UTP15: variants seen among roughly 807,000 people sequenced by gnomAD.
UTP15 encodes U3 small nucleolar RNA-associated protein 15 homolog.
A neutral mutation model predicts 59.1 loss-of-function variants in UTP15; 5 were observed. The observed-to-expected ratio is 0.08, with a 90% CI of 0.04 to 0.18. UTP15 has a LOEUF of 0.18. Among genes scored for constraint, UTP15 ranks in the 10% least tolerant of loss-of-function variants. UTP15 has a pLI of 1.00. For synonymous variants in UTP15, 211 were observed against 212.2 expected (o/e 0.99, Z 0.05); for missense variants, 494 against 616.7 (o/e 0.80, Z 2.11).
At chr5:73,573,386 T>C (rs1039131330) in intron 7 of UTP15, among the ~76,000 whole-genome samples, 1 of 151,558 alleles carries the variant, frequency 6.6e-6, no homozygotes, top group African/African-American at 2.4e-5. Flanking sequence ...TAGCTGGGAT[T>C]ACAGGTGTGC....
chr5:73,580,156 T>G lies in UTP15; in HGVS notation c.*62T>G, dbSNP rs530015123. ...GGAATAGATTTGACTGTATTAAATG[T>G]TGGCGAGAGACTCTCTTTGATACAT... On this transcript the variant is annotated 3_prime_UTR_variant, in exon 13 of 13. Coordinates refer to ENST00000296792, the MANE Select transcript of UTP15 (RefSeq NM_032175.4). The G allele has an allele frequency of 2.8e-6, 4 of 1,439,708 alleles. No individual in the cohort carries two copies. In the East Asian group the frequency reaches 9.3e-5, roughly 33 times the overall value. 89.2% of individuals were successfully genotyped at this position (1,439,708 alleles called of 1,614,324 possible).
chr5:73,575,572 AT>A (rs1475033804), intron 7 of UTP15, among the ~76,000 whole-genome samples: 1 of 141,892 alleles, frequency 7.0e-6, no homozygotes, highest in Non-Finnish European at 1.6e-5. Context: ...TTTTTAATTT[AT>A]TTTTTTAGAG....
chr5:73,567,734 C>T (rs1013745256), intron 2 of UTP15: 2 of 208,354 alleles, frequency 9.6e-6, no homozygotes, highest in East Asian at 1.1e-4. Context: ...TGAAGTATTG[C>T]TTGTAATAGT....
At chr5:73,570,776 T>C in intron 6 of UTP15, 65 bp downstream of exon 6, 1 of 1,594,088 alleles carries the variant, frequency 6.3e-7, no homozygotes, top group Non-Finnish European at 8.6e-7. Context: ...TAAAATCAGT[T>C]GCTCTTTGTA....
Position 73,577,838 on chromosome 5 carries a change from T to G in UTP15, c.895-18T>G. ...ACGAGTTAAGAATAGACTAACTTAT[T>G]TTTCTAATTGTTATTAGCATGAAGA... On this transcript the variant is annotated intron_variant, in intron 8 of 12. Coordinates refer to ENST00000296792, the MANE Select transcript of UTP15 (RefSeq NM_032175.4). The G allele has an allele frequency of 6.4e-7, 1 of 1,569,698 alleles. No homozygotes were observed. Among genetic ancestry groups the G allele is most frequent in the Non-Finnish European group, 8.6e-7 (1 of 1,164,880 alleles).
intron 2 of UTP15, 30 bp downstream of exon 2, chr5:73,567,464 G>A (rs1464698322): frequency 6.6e-7 from 1 of 1,519,822 alleles, no homozygotes; most frequent in Non-Finnish European, 8.9e-7. Context: ...AGGGAGAAGG[G>A]ATTTGTGTTT....
chr5:73,579,999 G>A lies in UTP15; in HGVS notation c.1462G>A (p.Asp488Asn). ...ATTGTTAGAAACCTTGGGGATGATGGATATGCTTTTTGCCACCATGAGAAG... is the reference window on the plus strand; with the variant it reads ...ATTGTTAGAAACCTTGGGGATGATGAATATGCTTTTTGCCACCATGAGAAG... ...RELLETLGMM[D>N]MLFATMRRKE... Residue 488 changes from aspartate (D) to asparagine (N), a missense_variant, in exon 13 of 13, where the codon GAT becomes AAT. Transcript: ENST00000296792. The A allele has an allele frequency of 6.2e-7, 1 of 1,613,916 alleles. No individual in the cohort carries two copies. The highest frequency in any genetic ancestry group is 2.2e-5 in the East Asian group (1 of 44,842).
rs1300349324 is a variant in UTP15, at chr5:73,583,201, C to T, written c.*3107C>T. Reference sequence around the variant, plus strand: ...CCATGGTGGTACAACTGACTCAACCCTTCTCTAAGCAGGGATTTGTAATTG... The same window carrying T: ...CCATGGTGGTACAACTGACTCAACCTTTCTCTAAGCAGGGATTTGTAATTG... On this transcript the variant is annotated 3_prime_UTR_variant, in exon 13 of 13. Transcript: ENST00000296792. The T allele has an allele frequency of 6.6e-6, 1 of 152,192 alleles. No homozygotes were observed. Among genetic ancestry groups the T allele is most frequent in the Non-Finnish European group, 1.5e-5 (1 of 68,044 alleles). 9.4% of individuals were successfully genotyped at this position (152,192 alleles called of 1,614,324 possible). A position where few individuals can be genotyped will look rare whatever the true frequency, so the allele number is the denominator to read the frequency against.
intron 2 of UTP15, 158 bp downstream of exon 2, chr5:73,567,592 G>A: frequency 4.0e-6 from 2 of 496,194 alleles, no homozygotes; most frequent in East Asian, 3.4e-5. Flanking sequence ...ATTTTTTCTT[G>A]GAATTTTATG....
chr5:73,569,692 C>T lies in UTP15; in HGVS notation c.547+17C>T, dbSNP rs757023580. 3 of 1,569,210 alleles carry T rather than the reference C, an allele frequency of 1.9e-6. No individual in the cohort carries two copies. The highest frequency in any genetic ancestry group is 2.6e-6 in the Non-Finnish European group (3 of 1,157,300). ...TTATAACAGGTTGGTGAACTCTATT[C>T]CCTCCTGAAGCAAATAATCTCACGG... On this transcript the variant is annotated intron_variant, in intron 5 of 12. Transcript: ENST00000296792.
At chr5:73,568,140 A>G (rs1747834929) in intron 2 of UTP15, 95 bp from the exon 3 acceptor site, 6 of 919,870 alleles carry the variant, frequency 6.5e-6, no homozygotes, top group Non-Finnish European at 9.5e-6. Flanking sequence ...AAATGTTACT[A>G]AGAACAAAGA....
In UTP15 at chr5:73,582,489, A is replaced by G. The variant is rs1748350881; in HGVS notation, c.*2395A>G. The G allele has an allele frequency of 6.6e-6, 1 of 152,198 alleles. No individual in the cohort carries two copies. Among genetic ancestry groups the G allele is most frequent in the African/African-American group, 2.4e-5 (1 of 41,434 alleles). The allele number at this position is 152,198 out of a possible 1,614,324, so 9.4% of individuals were successfully genotyped here. ...AGCTTCTGTCTCCTAGGCTGAAGCTATCCTCCCACCTCAGCCTCCTGAGAA... is the reference window on the plus strand; with the variant it reads ...AGCTTCTGTCTCCTAGGCTGAAGCTGTCCTCCCACCTCAGCCTCCTGAGAA... On this transcript the variant is annotated 3_prime_UTR_variant, in exon 13 of 13. Coordinates refer to ENST00000296792, the MANE Select transcript of UTP15 (RefSeq NM_032175.4).
At chr5:73,577,182 A>G in intron 8 of UTP15, 146 bp downstream of exon 8, 2 of 685,854 alleles carry the variant, frequency 2.9e-6, no homozygotes, top group South Asian at 3.7e-5. Context: ...TGGAATATGT[A>G]ACTCGTCCTA....
In UTP15 at chr5:73,571,188, C is replaced by T. The variant is rs528179383; in HGVS notation, c.673+477C>T. On this transcript the variant is annotated intron_variant, in intron 6 of 12. Transcript: ENST00000296792. Reference sequence around the variant, plus strand: ...AGCCCTGTGCCATCTTATTTAACCCCAGAAATTTAGCTCATACTCCTTTTA... The same window carrying T: ...AGCCCTGTGCCATCTTATTTAACCCTAGAAATTTAGCTCATACTCCTTTTA... 5.3e-5 allele frequency among the ~76,000 whole-genome samples: 8 copies of T among 151,604 alleles called. No individual in the cohort carries two copies. The South Asian group carries it at 1.7e-3, about 32-fold the overall frequency.
In UTP15 at chr5:73,582,312, A is replaced by G. The variant is rs1432304370; in HGVS notation, c.*2218A>G. The G allele has an allele frequency of 6.6e-6, 1 of 152,198 alleles. No homozygotes were observed. The highest frequency in any genetic ancestry group is 2.1e-4 in the South Asian group (1 of 4,832). 9.4% of individuals were successfully genotyped at this position (152,198 alleles called of 1,614,324 possible). A position where few individuals can be genotyped will look rare whatever the true frequency, so the allele number is the denominator to read the frequency against. On this transcript the variant is annotated 3_prime_UTR_variant, in exon 13 of 13. Transcript: ENST00000296792. ...TCTCAAAATATGTAACAGTTAACAC[A>G]TTTTTCAAACAGGTTAGGAAGCAAT... is the stretch of plus-strand genomic sequence containing the variant.
chr5:73,570,513 A>G lies in UTP15; in HGVS notation c.548-73A>G. ...CATCTAAGCTTTTTTTCCTTTTAAA[A>G]TTTATATCTGGATACACACAGTTTT... On this transcript the variant is annotated intron_variant, in intron 5 of 12. Transcript: ENST00000296792. 5 of 1,487,558 alleles carry G rather than the reference A, an allele frequency of 3.4e-6. 1 individual carries two copies. The African/African-American group carries it at 4.2e-5, about 13-fold the overall frequency. The allele number at this position is 1,487,558 out of a possible 1,614,324, so 92.1% of individuals were successfully genotyped here. A position where few individuals can be genotyped will look rare whatever the true frequency, so the allele number is the denominator to read the frequency against.
In UTP15 at chr5:73,583,084, A is replaced by G. The variant is rs1378422691; in HGVS notation, c.*2990A>G. The G allele has an allele frequency of 6.6e-6, 1 of 152,182 alleles. No homozygotes were observed. Among genetic ancestry groups the G allele is most frequent in the East Asian group, 1.9e-4 (1 of 5,196 alleles). 9.4% of individuals were successfully genotyped at this position (152,182 alleles called of 1,614,324 possible). The stretch of plus-strand genomic sequence containing the variant: ...TGTTAAAACAAATTTAGTCTGTTCA[A>G]CTCAATGAGGGCATTTCATTTTCTA... On this transcript the variant is annotated 3_prime_UTR_variant, in exon 13 of 13. Transcript: ENST00000296792.
At chr5:73,574,401 C>T (rs562721810) in intron 7 of UTP15, among the ~76,000 whole-genome samples, 2 of 151,986 alleles carry the variant, frequency 1.3e-5, no homozygotes, top group East Asian at 3.9e-4. Flanking sequence ...AATTTAGTTT[C>T]TCATTTTCAC....
At position 73,572,469 on chromosome 5, in the gene UTP15, A is replaced by G; in HGVS notation, c.674-20A>G. The G allele has an allele frequency of 1.9e-6, 3 of 1,612,734 alleles. No individual in the cohort carries two copies. The highest frequency in any genetic ancestry group is 4.5e-5 in the East Asian group (2 of 44,872). ...AATCTGTGGGCAGAATATCCAACTA[A>G]CGATGATTTCTTTTTATAGGAGGTC... On this transcript the variant is annotated intron_variant, in intron 6 of 12. Coordinates refer to ENST00000296792, the MANE Select transcript of UTP15 (RefSeq NM_032175.4).
Sources: gnomAD v4.1 joint callset for allele counts (sites outside exome capture counted in the v4.1 genomes callset) on GRCh38, gnomAD v4.1.1 for gene constraint, MANE v1.5 for transcripts, NCBI Gene and HGNC (gene_info 2026-07-23, HGNC 2026-07-21) for gene names.